The following ASB3 variants were observed in gnomAD, a reference collection of about 807,000 sequenced individuals.
ASB3 encodes ankyrin repeat and SOCS box containing 3.
ASB3 carries 41 observed loss-of-function variants against 54.5 expected under a neutral mutation model. The ratio of observed to expected loss-of-function variants is 0.75; its 90% CI spans 0.59 to 0.98. The LOEUF (loss-of-function observed/expected upper bound fraction) is 0.98, where lower values mean the gene tolerates loss of function less well. Ranked by LOEUF, ASB3 falls within the 50% of genes least tolerant of loss-of-function variation. The pLI is 0.00. For synonymous variants in ASB3, 266 were observed against 221.2 expected (o/e 1.20, Z -1.80); for missense variants, 733 against 620.0 (o/e 1.18, Z -1.94).
intron 1 of ASB3, among the ~76,000 whole-genome samples, chr2:53,766,547 G>C (rs995405087): frequency 2.0e-5 from 3 of 152,016 alleles, no homozygotes; most frequent in Non-Finnish European, 4.4e-5. Context: ...TAGAGTATGT[G>C]GCAGTAAAAT....
chr2:53,693,595 G>A (rs904294867), intron 9 of ASB3, among the ~76,000 whole-genome samples: 2 of 152,026 alleles, frequency 1.3e-5, no homozygotes, highest in Non-Finnish European at 2.9e-5. Context: ...CTACTTTTGT[G>A]TATATAATCC....
At chr2:53,746,044 A>T (rs1379011231) in intron 3 of ASB3, among the ~76,000 whole-genome samples, 1 of 152,232 alleles carries the variant, frequency 6.6e-6, no homozygotes, top group East Asian at 1.9e-4. Context: ...TCATGCCTGT[A>T]ATCCTAGCAC....
chr2:53,693,741 C>A, intron 9 of ASB3, 143 bp downstream of exon 9: 1 of 1,159,796 alleles, frequency 8.6e-7, no homozygotes, highest in Non-Finnish European at 1.2e-6. Context: ...CCCTAACAAC[C>A]CCATCTTTTC....
chr2:53,709,820 T>C (rs1669989319), intron 7 of ASB3, among the ~76,000 whole-genome samples: 1 of 152,176 alleles, frequency 6.6e-6, no homozygotes, highest in Non-Finnish European at 1.5e-5. Context: ...CTTGTGTATG[T>C]GATCTGCGGA....
chr2:53,730,837 G>A lies in ASB3; in HGVS notation c.356-1267C>T, dbSNP rs11893147. ...TTCATTTCAATCATACAGTTATTCT[G>A]TATCTCCCACTATAGTAGGAGGCAG... is the stretch of plus-strand genomic sequence containing the variant. On this transcript the variant is annotated intron_variant, in intron 3 of 9. Coordinates refer to ENST00000263634, the MANE Select transcript of ASB3 (RefSeq NM_016115.5). Among the ~76,000 whole-genome samples the A allele has an allele frequency of 8.1e-3, 1,227 of 152,008 alleles. 13 individuals carry two copies. The highest frequency in any genetic ancestry group is 0.028 in the African/African-American group (1,166 of 41,432).
chr2:53,740,120 T>C (rs1227832334), intron 3 of ASB3, among the ~76,000 whole-genome samples: 10 of 152,252 alleles, frequency 6.6e-5, no homozygotes, highest in African/African-American at 4.8e-5. Context: ...ATCATCTATA[T>C]ATTCAATTTT....
intron 1 of ASB3, chr2:53,774,092 T>C (rs1396969715): frequency 6.6e-7 from 1 of 1,506,764 alleles, no homozygotes; most frequent in Non-Finnish European, 8.9e-7. Flanking sequence ...TTTCTTCACC[T>C]ATTTTAATTA....
At chr2:53,678,024 T>C (rs1256120094) in intron 9 of ASB3, among the ~76,000 whole-genome samples, 3 of 152,190 alleles carry the variant, frequency 2.0e-5, no homozygotes, top group African/African-American at 4.8e-5. Flanking sequence ...TTGTATATAT[T>C]TAAAGTGTAC....
intron 1 of ASB3, among the ~76,000 whole-genome samples, chr2:53,781,080 A>T (rs1225960645): frequency 6.6e-6 from 1 of 152,170 alleles, no homozygotes; most frequent in Non-Finnish European, 1.5e-5. Context: ...ACTGAACAGG[A>T]ACAAAATGAA....
chr2:53,672,962 G>C (rs1048845305), intron 9 of ASB3, among the ~76,000 whole-genome samples: 3 of 152,042 alleles, frequency 2.0e-5, no homozygotes, highest in African/African-American at 7.2e-5. Flanking sequence ...GTGCAATCTG[G>C]AATTATTTAA....
Position 53,750,938 on chromosome 2 carries a change from G to T in ASB3, c.200C>A (p.Ser67Ter). 6.5e-7 allele frequency: 1 copy of T among 1,540,556 alleles called. No individual in the cohort carries two copies. The highest frequency in any genetic ancestry group is 1.3e-5 in the South Asian group (1 of 75,552). ...CTTCATCTTAATGTAGTTTTCAGAT[G>T]AATCTGTGGAAGAATCAAAGCCCAT... ...ECLQMLINAD[S>*]SENYIKMKTF... The change falls in exon 3 of 10, where the codon TCA becomes TAA. Residue 67 changes from serine to a stop codon, truncating the protein, a stop_gained. Coordinates refer to ENST00000263634, the MANE Select transcript of ASB3 (RefSeq NM_016115.5). LOFTEE classifies it high-confidence loss of function.
intron 9 of ASB3, among the ~76,000 whole-genome samples, chr2:53,690,149 T>C (rs1013648272): frequency 3.9e-5 from 6 of 152,028 alleles, no homozygotes; most frequent in African/African-American, 7.3e-5. Context: ...GGTGGGAAGA[T>C]TGCTTGAGCC....
chr2:53,702,376 T>C (rs569753659), intron 7 of ASB3, among the ~76,000 whole-genome samples: 4 of 152,306 alleles, frequency 2.6e-5, no homozygotes, highest in Admixed American at 6.5e-5. Flanking sequence ...AACTTCAACT[T>C]CAGGGCTCTA....
intron 1 of ASB3, 123 bp downstream of exon 1, chr2:53,786,698 A>C (rs1573050842): frequency 6.5e-6 from 1 of 154,334 alleles, no homozygotes; most frequent in Non-Finnish European, 1.4e-5. Flanking sequence ...AAGGACCCGC[A>C]CCCGCACGGT....
intron 9 of ASB3, among the ~76,000 whole-genome samples, chr2:53,673,851 C>A (rs1198005687): frequency 6.6e-6 from 1 of 152,176 alleles, no homozygotes; most frequent in Non-Finnish European, 1.5e-5. Flanking sequence ...TCTAAGAGCA[C>A]AACAGATCAC....
At chr2:53,747,495 G>A (rs1436328092) in intron 3 of ASB3, among the ~76,000 whole-genome samples, 2 of 152,162 alleles carry the variant, frequency 1.3e-5, no homozygotes, top group African/African-American at 4.8e-5. Context: ...GCAGTGAGCC[G>A]AGATTGTGCC....
At chr2:53,775,895 T>C (rs1308620785) in intron 1 of ASB3, among the ~76,000 whole-genome samples, 2 of 152,218 alleles carry the variant, frequency 1.3e-5, no homozygotes, top group Non-Finnish European at 2.9e-5. Flanking sequence ...TTTCTTTATT[T>C]TGTCACCTAA....
chr2:53,735,874 A>G (rs1214068868), intron 3 of ASB3, among the ~76,000 whole-genome samples: 3 of 152,116 alleles, frequency 2.0e-5, no homozygotes, highest in Non-Finnish European at 4.4e-5. Context: ...AAAGGTGACA[A>G]TGGTTTTGGG....
rs980938987 is a variant in ASB3 at position 53,763,800 on chromosome 2, G to C, written c.196+1577C>G. Among the ~76,000 whole-genome samples, 6 of 152,170 alleles carry C rather than the reference G, an allele frequency of 3.9e-5. No homozygotes were observed. In the East Asian group the frequency reaches 1.2e-3, roughly 29 times the overall value. On this transcript the variant is annotated intron_variant, in intron 2 of 9. Coordinates refer to ENST00000263634, the MANE Select transcript of ASB3 (RefSeq NM_016115.5). ...ACTCATGTCTTTGTTACTAAAAATAGTTTGGGAACTCAAGCTTTATAGTTA... is the reference window on the plus strand; with the variant it reads ...ACTCATGTCTTTGTTACTAAAAATACTTTGGGAACTCAAGCTTTATAGTTA...
Sources: allele counts gnomAD v4.1 joint callset (sites outside exome capture counted in the v4.1 genomes callset), GRCh38; gene constraint gnomAD v4.1.1; transcripts MANE v1.5; gene names NCBI Gene and HGNC (gene_info 2026-07-23, HGNC 2026-07-21).